The following RCHY1 variants were observed in gnomAD, a reference collection of about 807,000 sequenced individuals.
The protein encoded by RCHY1 is ring finger and CHY zinc finger domain containing 1.
Under a neutral mutation model 41.6 loss-of-function variants are expected in RCHY1, and 21 were observed. The observed-to-expected ratio is 0.51, with a 90% CI of 0.36 to 0.73. The LOEUF (loss-of-function observed/expected upper bound fraction) is 0.73, where lower values mean the gene tolerates loss of function less well. RCHY1 is among the 30% of genes least tolerant of loss of function. RCHY1 has a pLI of 0.00. For missense variants in RCHY1, 265 were observed against 325.3 expected (o/e 0.81, Z 1.43); for synonymous variants, 79 against 102.9 (o/e 0.77, Z 1.41).
chr4:75,485,200 T>C (rs1721884693), intron 8 of RCHY1, among the ~76,000 whole-genome samples: 1 of 152,238 alleles, frequency 6.6e-6, no homozygotes. Context: ...ACTAAGATAC[T>C]TCTGTTTAAT....
chr4:75,503,219 G>T (rs1454897855), intron 3 of RCHY1, among the ~76,000 whole-genome samples: 7 of 152,080 alleles, frequency 4.6e-5, no homozygotes, highest in Non-Finnish European at 1.0e-4. Context: ...ATGTCTCCAG[G>T]CATTGCCAGA....
chr4:75,480,934 T>A lies in RCHY1; in HGVS notation c.*1604A>T, dbSNP rs1402387259. ...TCAGCCCAGGAAGTCAAGGCTGCAG[T>A]GAGCTACGATCACTTCACTACACTC... On this transcript the variant is annotated 3_prime_UTR_variant, in exon 9 of 9. Coordinates refer to ENST00000324439, the MANE Select transcript of RCHY1 (RefSeq NM_015436.4). 1 of 152,270 alleles carries A rather than the reference T, an allele frequency of 6.6e-6. No individual in the cohort carries two copies. Among genetic ancestry groups the A allele is most frequent in the African/African-American group, 2.4e-5 (1 of 41,450 alleles). 9.4% of individuals were successfully genotyped at this position (152,270 alleles called of 1,614,324 possible).
intron 8 of RCHY1, among the ~76,000 whole-genome samples, chr4:75,486,377 T>G (rs1156770074): frequency 6.6e-6 from 1 of 152,112 alleles, no homozygotes; most frequent in Admixed American, 6.6e-5. Flanking sequence ...TAAGTTAAAA[T>G]GCTAAAACAT....
intron 8 of RCHY1, 85 bp downstream of exon 8, chr4:75,490,496 T>A (rs1722650273): frequency 5.9e-6 from 6 of 1,020,756 alleles, no homozygotes; most frequent in African/African-American, 4.9e-5. Flanking sequence ...TATATATATT[T>A]TTTTTTTGGC....
chr4:75,491,696 C>T (rs1239379792), intron 6 of RCHY1, 28 bp downstream of exon 6: 3 of 1,607,102 alleles, frequency 1.9e-6, no homozygotes, highest in African/African-American at 1.3e-5. Context: ...TATTTTCAAA[C>T]ATCATTGAGA....
chr4:75,480,571 T>C lies in RCHY1; in HGVS notation c.*1967A>G, dbSNP rs1436769663. 2 of 152,194 alleles carry C rather than the reference T, an allele frequency of 1.3e-5. No homozygotes were observed. The highest frequency in any genetic ancestry group is 2.9e-5 in the Non-Finnish European group (2 of 68,036). 9.4% of individuals were successfully genotyped at this position (152,194 alleles called of 1,614,324 possible). A position where few individuals can be genotyped will look rare whatever the true frequency, so the allele number is the denominator to read the frequency against. On this transcript the variant is annotated 3_prime_UTR_variant, in exon 9 of 9. Coordinates refer to ENST00000324439, the MANE Select transcript of RCHY1 (RefSeq NM_015436.4). ...CCCACAGAATCATTGTAGTAATTAA[T>C]GCTAATGCATGACCCAGCACAGATG...
At chr4:75,487,532 TATTCATAATATATATATTCATA>T (rs1578206232) in intron 8 of RCHY1, among the ~76,000 whole-genome samples, 7 of 127,548 alleles carry the variant, frequency 5.5e-5, no homozygotes, top group South Asian at 2.2e-4. Flanking sequence ...ATTCATAATA[TATTCATAATATATATATTCATA>T]ATATATTCAT....
Position 75,508,752 on chromosome 4 carries a change from T to C in RCHY1, c.326+68A>G, listed in dbSNP as rs927503065. ...AGATGTAAATTACACCTTAATAAAG[T>C]TGATTTTAAAAACTATTATTGCATA... On this transcript the variant is annotated intron_variant, in intron 3 of 8. Transcript: ENST00000324439. 1.2e-5 allele frequency: 10 copies of C among 843,450 alleles called. No homozygotes were observed. In the Admixed American group the frequency reaches 1.7e-4, roughly 14 times the overall value. 52.2% of individuals were successfully genotyped at this position (843,450 alleles called of 1,614,324 possible).
Position 75,482,638 on chromosome 4 carries a change from G to T in RCHY1, c.686C>A (p.Ser229Tyr). ...DILCNDCNGR[S>Y]TVQFHILGMK... ...GCCTAATATATGAAACTGAACAGTG[G>T]ATCGTCCATTACAGTCATTGCAGAG... Residue 229 changes from serine (S) to tyrosine (Y), a missense_variant, in exon 9 of 9, where the codon TCC (serine) becomes TAC (tyrosine). Physicochemically the swap from Ser to Tyr is moderately radical, Grantham distance 144. Coordinates refer to ENST00000324439, the MANE Select transcript of RCHY1 (RefSeq NM_015436.4). 1 of 1,610,272 alleles carries T rather than the reference G, an allele frequency of 6.2e-7. No homozygotes were observed. Among genetic ancestry groups the T allele is most frequent in the Non-Finnish European group, 8.5e-7 (1 of 1,177,282 alleles).
chr4:75,483,811 A>C lies in RCHY1; in HGVS notation c.658-1145T>G, dbSNP rs1480027580. On this transcript the variant is annotated intron_variant, in intron 8 of 8. Transcript: ENST00000324439. ...CGTGGTTTTTATCCTCGTATGCTGA[A>C]GTATCTGAAGATGTTCAGAAAATGT... is the stretch of plus-strand genomic sequence containing the variant. Among the ~76,000 whole-genome samples the C allele has an allele frequency of 3.3e-5, 5 of 152,214 alleles. No homozygotes were observed. The East Asian group carries it at 7.7e-4, about 23-fold the overall frequency.
At chr4:75,487,129 TA>T (rs1722088491) in intron 8 of RCHY1, among the ~76,000 whole-genome samples, 1 of 152,088 alleles carries the variant, frequency 6.6e-6, no homozygotes, top group African/African-American at 2.4e-5. Context: ...TCTTACGTGG[TA>T]AAAAACTGAC....
intron 1 of RCHY1, 88 bp from the exon 2 acceptor site, chr4:75,509,384 C>T: frequency 1.7e-6 from 2 of 1,194,354 alleles, no homozygotes; most frequent in Admixed American, 4.7e-5. Flanking sequence ...CCTCCTCCTC[C>T]TGGATGGAAC....
chr4:75,503,858 T>C lies in RCHY1; in HGVS notation c.326+4962A>G, dbSNP rs116359504. Among the ~76,000 whole-genome samples the C allele has an allele frequency of 4.0e-3, 609 of 152,298 alleles. 1 individual carries two copies. The highest frequency in any genetic ancestry group is 0.014 in the African/African-American group (589 of 41,554). Reference sequence around the variant, plus strand: ...TGACGTTTGTACACCAAAATTTACTTAATATGGTTCATAAGTGGACAAACG... The same window carrying C: ...TGACGTTTGTACACCAAAATTTACTCAATATGGTTCATAAGTGGACAAACG... On this transcript the variant is annotated intron_variant, in intron 3 of 8. Transcript: ENST00000324439.
At position 75,482,443 on chromosome 4, in the gene RCHY1, C is replaced by G. The variant is rs1456976747; in HGVS notation, c.*95G>C. 2 of 1,183,646 alleles carry G rather than the reference C, an allele frequency of 1.7e-6. No individual in the cohort carries two copies. The highest frequency in any genetic ancestry group is 2.3e-6 in the Non-Finnish European group (2 of 863,724). The allele number at this position is 1,183,646 out of a possible 1,614,324, so 73.3% of individuals were successfully genotyped here. A position where few individuals can be genotyped will look rare whatever the true frequency, so the allele number is the denominator to read the frequency against. ...GACACTAGTACAAAACACATCAACTCTAATGCATAGATGACGACACATGAT... is the reference window on the plus strand; with the variant it reads ...GACACTAGTACAAAACACATCAACTGTAATGCATAGATGACGACACATGAT... On this transcript the variant is annotated 3_prime_UTR_variant, in exon 9 of 9. Transcript: ENST00000324439.
intron 8 of RCHY1, 119 bp downstream of exon 8, chr4:75,490,462 A>C: frequency 3.1e-6 from 2 of 652,564 alleles, no homozygotes; most frequent in Non-Finnish European, 4.9e-6. Flanking sequence ...TAATCATCAC[A>C]TTAGCATCTG....
rs1725340148 is a variant in RCHY1, at chr4:75,514,385, C to G, written c.-99G>C. ...TCTAGCACACCCCTCCCAGCCCCAG[C>G]GGCCACTAGCGACAATATGGCTCCT... is the stretch of plus-strand genomic sequence containing the variant. On this transcript the variant is annotated 5_prime_UTR_variant, in exon 1 of 9. Transcript: ENST00000324439. 1 of 1,333,618 alleles carries G rather than the reference C, an allele frequency of 7.5e-7. No individual in the cohort carries two copies. The highest frequency in any genetic ancestry group is 1.5e-5 in the African/African-American group (1 of 68,956). 82.6% of individuals were successfully genotyped at this position (1,333,618 alleles called of 1,614,324 possible). A position where few individuals can be genotyped will look rare whatever the true frequency, so the allele number is the denominator to read the frequency against.
In RCHY1 at chr4:75,511,172, C is replaced by G. The variant is rs1435988356; in HGVS notation, c.91-1876G>C. Among the ~76,000 whole-genome samples, 3 of 152,140 alleles carry G rather than the reference C, an allele frequency of 2.0e-5. No homozygotes were observed. In the East Asian group the frequency reaches 5.8e-4, roughly 29 times the overall value. Reference sequence around the variant, plus strand: ...TCATGCATTGGTCATCTGGAGAATACCAGTTCAGTGAGTTATTTACATCTT... The same window carrying G: ...TCATGCATTGGTCATCTGGAGAATAGCAGTTCAGTGAGTTATTTACATCTT... On this transcript the variant is annotated intron_variant, in intron 1 of 8. Coordinates refer to ENST00000324439, the MANE Select transcript of RCHY1 (RefSeq NM_015436.4).
At chr4:75,496,351 T>A (rs1250272876) in intron 3 of RCHY1, among the ~76,000 whole-genome samples, 1 of 151,936 alleles carries the variant, frequency 6.6e-6, no homozygotes, top group African/African-American at 2.4e-5. Flanking sequence ...TAGGAAGACA[T>A]CATGATTGAA....
chr4:75,514,180 T>C lies in RCHY1; in HGVS notation c.90+17A>G. ...CTGACGGAAGCTTGTCAGGGAAGAG[T>C]CCATAGAAGGCGTCACCTTTAGGAG... On this transcript the variant is annotated intron_variant, in intron 1 of 8. Transcript: ENST00000324439. 1 of 1,602,020 alleles carries C rather than the reference T, an allele frequency of 6.2e-7. No homozygotes were observed. The highest frequency in any genetic ancestry group is 8.5e-7 in the Non-Finnish European group (1 of 1,171,026).
Sources: allele counts gnomAD v4.1 joint callset (sites outside exome capture counted in the v4.1 genomes callset), GRCh38; gene constraint gnomAD v4.1.1; transcripts MANE v1.5; gene names NCBI Gene and HGNC (gene_info 2026-07-23, HGNC 2026-07-21).